MAGI1: variants seen among roughly 807,000 people sequenced by gnomAD.
MAGI1 encodes membrane-associated guanylate kinase, WW and PDZ domain-containing protein 1.
A neutral mutation model predicts 139.9 loss-of-function variants in MAGI1; 58 were observed. That is an observed-to-expected ratio of 0.41 (90% CI 0.34 to 0.52). MAGI1 has a LOEUF of 0.52. MAGI1 is among the 20% of genes least tolerant of loss of function. The pLI is 0.12. For synonymous variants in MAGI1, 812 were observed against 737.9 expected, an observed-to-expected ratio of 1.10 and a Z score of -1.63; for missense variants, 1,874 against 1,901.6, an observed-to-expected ratio of 0.99 and a Z score of 0.27.
intron 6 of MAGI1, 32 bp downstream of exon 6, chr3:65,453,226 T>C: frequency 1.9e-6 from 3 of 1,602,184 alleles, no homozygotes; most frequent in Non-Finnish European, 2.6e-6. Context: ...TGCCCCCAAT[T>C]CACTTAACCC....
At chr3:65,906,830 G>A (rs916353370) in intron 1 of MAGI1, among the ~76,000 whole-genome samples, 4 of 150,272 alleles carry the variant, frequency 2.7e-5, no homozygotes, top group Admixed American at 2.0e-4. Context: ...AGGTTGCAGT[G>A]AGCCAAGATC....
rs146092833 is a variant in MAGI1 at position 65,632,416 on chromosome 3, T to A, written c.314-10328A>T. 7.7e-3 allele frequency among the ~76,000 whole-genome samples: 1,168 copies of A among 152,268 alleles called. 47 individuals carry two copies. The highest frequency in any genetic ancestry group is 0.07 in the Admixed American group (1,071 of 15,286). On this transcript the variant is annotated intron_variant, in intron 1 of 22. Coordinates refer to ENST00000402939, the MANE Select transcript of MAGI1 (RefSeq NM_001033057.2). ...GAAACTGCTTGTTCTAGTAAGAAAATTAATTTGGAGTATGGCTTAGTGAGA... is the reference window on the plus strand; with the variant it reads ...GAAACTGCTTGTTCTAGTAAGAAAAATAATTTGGAGTATGGCTTAGTGAGA...
chr3:65,603,412 A>T (rs935211160), intron 2 of MAGI1, among the ~76,000 whole-genome samples: 21 of 152,194 alleles, frequency 1.4e-4, no homozygotes, highest in South Asian at 2.1e-4. Context: ...CATTTTGAAT[A>T]AAAAAATTTA....
chr3:65,717,451 T>C (rs1216762174), intron 1 of MAGI1: 1 of 152,190 alleles, frequency 6.6e-6, no homozygotes, highest in Non-Finnish European at 1.5e-5. Context: ...TACACTTTAG[T>C]TACATACTAG....
At chr3:65,720,048 A>T (rs1576875086) in intron 1 of MAGI1, 1 of 152,106 alleles carries the variant, frequency 6.6e-6, no homozygotes, top group East Asian at 1.9e-4. Flanking sequence ...TTTTAAATGG[A>T]GTCTTTGGGT....
chr3:65,934,035 G>T (rs368284421), intron 1 of MAGI1, among the ~76,000 whole-genome samples: 4 of 152,092 alleles, frequency 2.6e-5, no homozygotes, highest in African/African-American at 9.7e-5. Flanking sequence ...GCTGAGGCAG[G>T]AGAATCACTT....
chr3:65,636,703 T>TACACACACACAC (rs10662746), intron 1 of MAGI1, among the ~76,000 whole-genome samples: 14 of 148,474 alleles, frequency 9.4e-5, no homozygotes, highest in Admixed American at 1.3e-4. Flanking sequence ...GGAAAACACA[T>TACACACACACAC]ACACACACAC....
intron 1 of MAGI1, among the ~76,000 whole-genome samples, chr3:66,002,057 A>C (rs1216153853): frequency 6.6e-6 from 1 of 152,188 alleles, no homozygotes. Context: ...TTCCTGCCTC[A>C]ATTTCATAGA....
At chr3:65,733,509 T>C (rs1428889305) in intron 1 of MAGI1, among the ~76,000 whole-genome samples, 4 of 152,204 alleles carry the variant, frequency 2.6e-5, no homozygotes, top group Non-Finnish European at 5.9e-5. Flanking sequence ...ACATTTCTGC[T>C]CTAAGATTAT....
intron 14 of MAGI1, chr3:65,387,059 C>A: frequency 8.0e-7 from 1 of 1,254,014 alleles, no homozygotes. Flanking sequence ...CTTTTCTGAA[C>A]TTCTCCCCAG....
chr3:65,708,479 T>C (rs951561827), intron 1 of MAGI1, among the ~76,000 whole-genome samples: 1 of 152,174 alleles, frequency 6.6e-6, no homozygotes. Flanking sequence ...GAGATGCCAC[T>C]GCCTCACTTA....
chr3:65,839,036 T>C (rs1021745595), intron 1 of MAGI1, among the ~76,000 whole-genome samples: 6 of 152,246 alleles, frequency 3.9e-5, no homozygotes, highest in Admixed American at 6.5e-5. Flanking sequence ...CATTTTATAA[T>C]TGAATTGCTT....
At chr3:65,988,907 A>C (rs2066022670) in intron 1 of MAGI1, among the ~76,000 whole-genome samples, 2 of 152,118 alleles carry the variant, frequency 1.3e-5, no homozygotes, top group Admixed American at 1.3e-4. Context: ...AGACCATTTT[A>C]AAAATATATT....
intron 17 of MAGI1, among the ~76,000 whole-genome samples, chr3:65,377,648 CTTCTCT>C (rs907492432): frequency 2.0e-5 from 3 of 152,178 alleles, no homozygotes; most frequent in African/African-American, 7.2e-5. Flanking sequence ...TCCCCTCTTC[CTTCTCT>C]TTATTTTTAT....
chr3:65,356,974 C>T lies in MAGI1; in HGVS notation c.3793G>A (p.Asp1265Asn), dbSNP rs1182249860. 6.2e-7 allele frequency: 1 copy of T among 1,614,070 alleles called. No individual in the cohort carries two copies. The highest frequency in any genetic ancestry group is 1.3e-5 in the African/African-American group (1 of 74,948). Residue 1265 changes from aspartate to asparagine, a missense_variant, in exon 23 of 23, where the codon GAT becomes AAT. Physicochemically the swap from Asp to Asn is conservative, Grantham distance 23. Coordinates refer to ENST00000402939, the MANE Select transcript of MAGI1 (RefSeq NM_001033057.2). The part of the protein sequence containing the change: ...PHGEKRAHAR[D>N]PKGSREYSRQ... Reference sequence around the variant, plus strand: ...CTATACTCTCTGCTGCCTTTCGGATCCCTTGCGTGTGCCCGCTTTTCCCCA... The same window carrying T: ...CTATACTCTCTGCTGCCTTTCGGATTCCTTGCGTGTGCCCGCTTTTCCCCA...
Position 65,430,681 on chromosome 3 carries a change from A to G in MAGI1, c.1546+18T>C. 1 of 1,611,774 alleles carries G rather than the reference A, an allele frequency of 6.2e-7. No individual in the cohort carries two copies. The highest frequency in any genetic ancestry group is 8.5e-7 in the Non-Finnish European group (1 of 1,179,060). On this transcript the variant is annotated intron_variant, in intron 11 of 22. Coordinates refer to ENST00000402939, the MANE Select transcript of MAGI1 (RefSeq NM_001033057.2). ...GAGTCTCACCACACAGAACACACTAAGGCCATGTTGACGCTACCTGTTTCC... is the reference window on the plus strand; with the variant it reads ...GAGTCTCACCACACAGAACACACTAGGGCCATGTTGACGCTACCTGTTTCC...
chr3:66,018,318 A>G lies in MAGI1; in HGVS notation c.313+19678T>C, dbSNP rs149406599. ...TCTTCCAAAGACTGACTGCCTGGTT[A>G]ACAGCATTTGGCCATACTCTAGTAC... On this transcript the variant is annotated intron_variant, in intron 1 of 22. Transcript: ENST00000402939. Among the ~76,000 whole-genome samples the G allele has an allele frequency of 4.8e-3, 738 of 152,286 alleles. 7 individuals carry two copies. Among genetic ancestry groups the G allele is most frequent in the African/African-American group, 0.017 (695 of 41,558 alleles).
At chr3:65,731,206 A>T (rs930988191) in intron 1 of MAGI1, among the ~76,000 whole-genome samples, 1 of 152,230 alleles carries the variant, frequency 6.6e-6, no homozygotes, top group African/African-American at 2.4e-5. Context: ...CCCTGTCTTC[A>T]GAATGTAATA....
At chr3:65,449,692 C>T (rs1448875412) in intron 6 of MAGI1, among the ~76,000 whole-genome samples, 1 of 152,110 alleles carries the variant, frequency 6.6e-6, no homozygotes, top group Non-Finnish European at 1.5e-5. Context: ...AGGAGAATCG[C>T]TTGAACAGGG....
Sources: allele counts gnomAD v4.1 joint callset (sites outside exome capture counted in the v4.1 genomes callset), GRCh38; gene constraint gnomAD v4.1.1; transcripts MANE v1.5; gene names NCBI Gene and HGNC (gene_info 2026-07-23, HGNC 2026-07-21).